Variants in ST3GAL5 observed in about 807,000 individuals in gnomAD.
The protein encoded by ST3GAL5 is ST3 beta-galactoside alpha-2,3-sialyltransferase 5, also known as lactosylceramide alpha-2,3-sialyltransferase.
Under a neutral mutation model 46.1 loss-of-function variants are expected in ST3GAL5, and 25 were observed. That is an observed-to-expected ratio of 0.54 (90% CI 0.40 to 0.76). The LOEUF (loss-of-function observed/expected upper bound fraction) is 0.76, where lower values mean the gene tolerates loss of function less well. ST3GAL5 is among the 30% of genes least tolerant of loss of function. ST3GAL5 has a pLI of 0.00. For synonymous variants in ST3GAL5, 182 were observed against 192.7 expected (o/e 0.94, Z 0.46); for missense variants, 431 against 521.2 (o/e 0.83, Z 1.69).
intron 3 of ST3GAL5, chr2:85,854,597 G>A (rs920222896): frequency 1.3e-5 from 2 of 152,204 alleles, no homozygotes; most frequent in Non-Finnish European, 2.9e-5. Flanking sequence ...GTGCATTACT[G>A]ATGTACTCAA....
chr2:85,851,607 G>A (rs372176130), intron 3 of ST3GAL5: 25 of 1,289,394 alleles, frequency 1.9e-5, no homozygotes, highest in East Asian at 1.7e-4. Flanking sequence ...AAGTTGAACC[G>A]GCATCTGCTT....
At chr2:85,865,062 C>G (rs1386855115) in intron 1 of ST3GAL5, among the ~76,000 whole-genome samples, 1 of 152,164 alleles carries the variant, frequency 6.6e-6, no homozygotes, top group Non-Finnish European at 1.5e-5. Context: ...GCCCCTGGGA[C>G]AATCCCATAG....
At chr2:85,842,849 C>G (rs1682311998) in intron 6 of ST3GAL5, among the ~76,000 whole-genome samples, 1 of 151,816 alleles carries the variant, frequency 6.6e-6, no homozygotes, top group South Asian at 2.1e-4. Flanking sequence ...GCAACCTCCG[C>G]CTCCCAGGTC....
At chr2:85,850,498 CT>C in intron 3 of ST3GAL5, 1 of 152,310 alleles carries the variant, frequency 6.6e-6, no homozygotes, top group East Asian at 1.9e-4. Flanking sequence ...GGGCTCACCC[CT>C]GGCCAGGCCT....
Position 85,888,976 on chromosome 2 carries a change from C to G in ST3GAL5, c.-71G>C, listed in dbSNP as rs563982857. On this transcript the variant is annotated 5_prime_UTR_variant, in exon 1 of 7. Transcript: ENST00000638572. ...CCCCACCCGCCCCCAGCGCCGCTCT[C>G]GCGCCCATTCAGCTGGGGGCCGCCG... The G allele has an allele frequency of 9.3e-6, 11 of 1,180,076 alleles. No homozygotes were observed. The highest frequency in any genetic ancestry group is 6.7e-4 in the Middle Eastern group (2 of 2,984). The allele number at this position is 1,180,076 out of a possible 1,614,324, so 73.1% of individuals were successfully genotyped here.
In ST3GAL5 at chr2:85,848,172, C is replaced by T; in HGVS notation, c.351G>A (p.Gln117=). 2 of 1,614,238 alleles carry T rather than the reference C, an allele frequency of 1.2e-6. No individual in the cohort carries two copies. Among genetic ancestry groups the T allele is most frequent in the African/African-American group, 1.3e-5 (1 of 75,072 alleles). Residue 117 remains glutamine (Q), a synonymous_variant, in exon 4 of 7, where the codon CAG becomes CAA. Transcript: ENST00000638572. ...TGGCAAACTTGGGACGACATTCCTTCTGCAAGACTTGCTGAGCATATTTCT... is the reference window on the plus strand; with the variant it reads ...TGGCAAACTTGGGACGACATTCCTTTTGCAAGACTTGCTGAGCATATTTCT... ...RAQKYAQQVL[Q]KECRPKFAKT... is the part of the protein sequence containing the mutation.
intron 3 of ST3GAL5, chr2:85,851,302 G>A (rs1683475711): frequency 2.6e-6 from 3 of 1,144,518 alleles, no homozygotes; most frequent in Middle Eastern, 4.1e-4. Flanking sequence ...AGTGACAGTG[G>A]ATGCAGTAGT....
chr2:85,877,021 T>C (rs1330758722), intron 1 of ST3GAL5, among the ~76,000 whole-genome samples: 1 of 152,246 alleles, frequency 6.6e-6, no homozygotes, highest in Non-Finnish European at 1.5e-5. Flanking sequence ...TCCCCAGTTG[T>C]TACCATTTTA....
At position 85,837,276 on chromosome 2, in the gene ST3GAL5, T is replaced by C. The variant is rs961339722; in HGVS notation, c.*2868A>G. 6.6e-6 allele frequency: 1 copy of C among 152,218 alleles called. No homozygotes were observed. Among genetic ancestry groups the C allele is most frequent in the East Asian group, 1.9e-4 (1 of 5,206 alleles). 9.4% of individuals were successfully genotyped at this position (152,218 alleles called of 1,614,324 possible). On this transcript the variant is annotated 3_prime_UTR_variant, in exon 7 of 7. Transcript: ENST00000638572. Reference sequence around the variant, plus strand: ...TTCTGCCATAAAAAGGTTGAAATCATGTTATCTGCAGCAAGATGGATGGAA... The same window carrying C: ...TTCTGCCATAAAAAGGTTGAAATCACGTTATCTGCAGCAAGATGGATGGAA...
Position 85,876,461 on chromosome 2 carries a change from C to A in ST3GAL5, c.82+12363G>T, listed in dbSNP as rs1248313338. ...CCTGTTTTCTTTTCTTTTTCTTTTT[C>A]CTTTTTTTTTTTTTTTTTTTGAGAC... is the stretch of plus-strand genomic sequence containing the variant. On this transcript the variant is annotated intron_variant, in intron 1 of 6. Transcript: ENST00000638572. 6.2e-5 allele frequency among the ~76,000 whole-genome samples: 8 copies of A among 128,726 alleles called. No homozygotes were observed. In the Admixed American group the frequency reaches 7.5e-4, roughly 12 times the overall value. 84.4% of individuals were successfully genotyped at this position (128,726 alleles called of 152,430 possible).
intron 1 of ST3GAL5, among the ~76,000 whole-genome samples, chr2:85,880,053 A>G (rs566188162): frequency 6.6e-6 from 1 of 152,338 alleles, no homozygotes; most frequent in South Asian, 2.1e-4. Context: ...GTTTTTTCCA[A>G]TAACCCATGG....
intron 1 of ST3GAL5, among the ~76,000 whole-genome samples, chr2:85,866,604 C>G (rs1215592187): frequency 1.3e-5 from 2 of 152,254 alleles, no homozygotes; most frequent in Non-Finnish European, 2.9e-5. Context: ...TGGAATCCCA[C>G]CCAATAATCT....
rs187429610 is a variant in ST3GAL5, at chr2:85,886,702, G to A, written c.82+2122C>T. 5.3e-5 allele frequency among the ~76,000 whole-genome samples: 8 copies of A among 152,100 alleles called. No individual in the cohort carries two copies. The South Asian group carries it at 6.2e-4, about 12-fold the overall frequency. On this transcript the variant is annotated intron_variant, in intron 1 of 6. Transcript: ENST00000638572. Reference sequence around the variant, plus strand: ...TGCTTAAGCTGGCTGTCTCCCGGGCGAGCCTGCGTGTCACCGTCATATTTA... The same window carrying A: ...TGCTTAAGCTGGCTGTCTCCCGGGCAAGCCTGCGTGTCACCGTCATATTTA...
intron 1 of ST3GAL5, chr2:85,888,312 C>T (rs772136301): frequency 6.6e-6 from 1 of 152,492 alleles, no homozygotes; most frequent in Non-Finnish European, 1.5e-5. Flanking sequence ...CAAAACCTGT[C>T]TTCTCCGCAA....
intron 3 of ST3GAL5, chr2:85,849,656 A>T (rs1683250566): frequency 6.6e-6 from 1 of 152,088 alleles, no homozygotes; most frequent in South Asian, 2.1e-4. Context: ...AAAAAACAAA[A>T]ACGCAACCTT....
At chr2:85,857,065 CCAAAAAAAAAAAAAAA>C (rs1558669772) in intron 3 of ST3GAL5, among the ~76,000 whole-genome samples, 1 of 61,616 alleles carries the variant, frequency 1.6e-5, no homozygotes. Context: ...CCTGCCTCTA[CCAAAAAAAAAAAAAAA>C]AAAAAAAAAA....
At chr2:85,882,137 A>G (rs1687225032) in intron 1 of ST3GAL5, among the ~76,000 whole-genome samples, 1 of 152,200 alleles carries the variant, frequency 6.6e-6, no homozygotes, top group African/African-American at 2.4e-5. Context: ...GAGGTTTGGG[A>G]ACCTCTGCCT....
chr2:85,864,298 T>G (rs562786963), intron 1 of ST3GAL5, among the ~76,000 whole-genome samples: 1 of 152,194 alleles, frequency 6.6e-6, no homozygotes, highest in Non-Finnish European at 1.5e-5. Flanking sequence ...TATCCTAAAC[T>G]TTAAAGTTTA....
At chr2:85,875,765 A>G (rs1201083300) in intron 1 of ST3GAL5, among the ~76,000 whole-genome samples, 2 of 152,282 alleles carry the variant, frequency 1.3e-5, no homozygotes, top group Admixed American at 1.3e-4. Context: ...TGGAAGGAAA[A>G]GACAGGAACA....
Sources: gnomAD v4.1 joint callset for allele counts (sites outside exome capture counted in the v4.1 genomes callset) on GRCh38, gnomAD v4.1.1 for gene constraint, MANE v1.5 for transcripts, NCBI Gene and HGNC (gene_info 2026-07-23, HGNC 2026-07-21) for gene names.